Variants in VIT observed in about 807,000 individuals in gnomAD.
VIT encodes the protein vitrin.
Under a neutral mutation model 78.0 loss-of-function variants are expected in VIT, and 99 were observed. The observed-to-expected ratio is 1.27, with a 90% CI of 1.08 to 1.50. The LOEUF is 1.50. Ranked by LOEUF, VIT falls within the 40% of genes most tolerant of loss-of-function variation. The pLI is 0.00. For missense variants in VIT, 1,126 were observed against 875.3 expected (o/e 1.29, Z -3.61); for synonymous variants, 374 against 334.3 (o/e 1.12, Z -1.29).
intron 12 of VIT, among the ~76,000 whole-genome samples, chr2:36,793,916 T>C (rs1014617614): frequency 1.3e-5 from 2 of 152,186 alleles, no homozygotes; most frequent in Non-Finnish European, 2.9e-5. Context: ...CTTTACAAAC[T>C]TTCCTGAGAA....
intron 12 of VIT, among the ~76,000 whole-genome samples, chr2:36,800,713 A>G (rs1324440586): frequency 6.6e-6 from 1 of 152,164 alleles, no homozygotes; most frequent in East Asian, 1.9e-4. Context: ...TTTCCACTGA[A>G]TTCACTCCAA....
chr2:36,741,447 TC>T (rs1667829663), intron 3 of VIT, among the ~76,000 whole-genome samples: 1 of 152,256 alleles, frequency 6.6e-6, no homozygotes, highest in African/African-American at 2.4e-5. Context: ...CAGCAGAAGT[TC>T]CCTGTTGGCC....
At chr2:36,703,964 C>T (rs1422518160) in intron 1 of VIT, among the ~76,000 whole-genome samples, 26 of 130,318 alleles carry the variant, frequency 2.0e-4, no homozygotes, top group South Asian at 2.6e-4. Flanking sequence ...CTCACTCTGT[C>T]GCCAGGCTGG....
At chr2:36,801,672 G>A (rs527585428) in intron 13 of VIT, among the ~76,000 whole-genome samples, 24 of 151,888 alleles carry the variant, frequency 1.6e-4, no homozygotes, top group African/African-American at 5.6e-4. Flanking sequence ...GCTGGGTGTG[G>A]TGGCGGGTGC....
At chr2:36,700,071 C>T (rs1664955878) in intron 1 of VIT, among the ~76,000 whole-genome samples, 1 of 152,126 alleles carries the variant, frequency 6.6e-6, no homozygotes, top group African/African-American at 2.4e-5. Context: ...AGCTGTGAAA[C>T]ATACCATTTG....
intron 15 of VIT, among the ~76,000 whole-genome samples, chr2:36,813,380 C>T (rs1318941882): frequency 6.6e-6 from 1 of 152,038 alleles, no homozygotes; most frequent in Non-Finnish European, 1.5e-5. Flanking sequence ...ACCTGGGAAG[C>T]GGAGGTTGCA....
At chr2:36,701,617 A>C (rs1296652405) in intron 1 of VIT, among the ~76,000 whole-genome samples, 3 of 46,446 alleles carry the variant, frequency 6.5e-5, no homozygotes, top group Non-Finnish European at 1.4e-4. Context: ...TCTCTTATTC[A>C]AAAAGAAAAA....
intron 7 of VIT, among the ~76,000 whole-genome samples, chr2:36,770,207 C>T (rs1235353112): frequency 6.6e-6 from 1 of 152,168 alleles, no homozygotes; most frequent in East Asian, 1.9e-4. Flanking sequence ...TGGGCTACAT[C>T]GATGAACACA....
chr2:36,776,754 C>T (rs1263912558), intron 9 of VIT, among the ~76,000 whole-genome samples: 2 of 151,532 alleles, frequency 1.3e-5, no homozygotes, highest in Non-Finnish European at 2.9e-5. Context: ...GAGATGGCGC[C>T]ACTGCACTCC....
At chr2:36,803,466 G>C (rs1335631383) in intron 13 of VIT, among the ~76,000 whole-genome samples, 1 of 152,206 alleles carries the variant, frequency 6.6e-6, no homozygotes, top group African/African-American at 2.4e-5. Context: ...GGTTAGGTGG[G>C]GTTGAGGGGA....
rs771333295 is a variant in VIT at position 36,814,226 on chromosome 2, G to C, written c.1947G>C (p.Glu649Asp). ...TAGGCGTTGCCTGGGCTGCCCAAGA[G>C]GAGCTAGAAGTCATTGCCACTCACC... ...YAIGVAWAAQ[E>D]ELEVIATHPA... Residue 649 changes from glutamate (E) to aspartate (D), a missense_variant, in exon 16 of 16, where the codon GAG becomes GAC. By Grantham distance (45) the Glu-to-Asp change is conservative. Transcript: ENST00000379242. 3.7e-6 allele frequency: 6 copies of C among 1,614,236 alleles called. No individual in the cohort carries two copies. The highest frequency in any genetic ancestry group is 3.3e-5 in the South Asian group (3 of 91,088).
intron 4 of VIT, among the ~76,000 whole-genome samples, chr2:36,743,654 T>C (rs900883025): frequency 6.6e-6 from 1 of 152,208 alleles, no homozygotes; most frequent in African/African-American, 2.4e-5. Flanking sequence ...TTGAGAGTCA[T>C]AGAGCTTAAA....
At chr2:36,724,518 T>C (rs1164134628) in intron 2 of VIT, among the ~76,000 whole-genome samples, 1 of 152,156 alleles carries the variant, frequency 6.6e-6, no homozygotes, top group Non-Finnish European at 1.5e-5. Flanking sequence ...CCATTTCCAG[T>C]GTAGCAAGAG....
At chr2:36,746,721 T>C (rs879703642) in intron 4 of VIT, among the ~76,000 whole-genome samples, 2 of 152,158 alleles carry the variant, frequency 1.3e-5, no homozygotes, top group African/African-American at 2.4e-5. Flanking sequence ...TAGTGGTCTA[T>C]CAATCTTGTT....
chr2:36,806,413 A>G (rs1251609083), intron 14 of VIT, among the ~76,000 whole-genome samples: 1 of 152,122 alleles, frequency 6.6e-6, no homozygotes, highest in East Asian at 1.9e-4. Context: ...GACTTCCAGG[A>G]TGCTGTATGG....
At chr2:36,741,621 CTG>C (rs1460730642) in intron 3 of VIT, among the ~76,000 whole-genome samples, 9 of 152,200 alleles carry the variant, frequency 5.9e-5, no homozygotes, top group Admixed American at 5.2e-4. Context: ...ATTAGCAACT[CTG>C]AGACCATCTC....
At chr2:36,809,173 C>T (rs1256668258) in intron 15 of VIT, among the ~76,000 whole-genome samples, 188 bp downstream of exon 15, 1 of 152,116 alleles carries the variant, frequency 6.6e-6, no homozygotes, top group Admixed American at 6.5e-5. Context: ...GGAGAAGGAA[C>T]AAGGATGGGG....
At chr2:36,770,635 T>A (rs955988229) in intron 7 of VIT, among the ~76,000 whole-genome samples, 4 of 152,012 alleles carry the variant, frequency 2.6e-5, no homozygotes, top group African/African-American at 9.7e-5. Flanking sequence ...CCAAGGACAA[T>A]GGCATCAGAG....
intron 12 of VIT, among the ~76,000 whole-genome samples, chr2:36,791,545 G>A (rs1363837415): frequency 6.6e-6 from 1 of 152,218 alleles, no homozygotes; most frequent in African/African-American, 2.4e-5. Context: ...GGATGTTGCA[G>A]TGTAGCCACA....
Sources: allele counts gnomAD v4.1 joint callset (sites outside exome capture counted in the v4.1 genomes callset), GRCh38; gene constraint gnomAD v4.1.1; transcripts MANE v1.5; gene names NCBI Gene and HGNC (gene_info 2026-07-23, HGNC 2026-07-21).